The following LRFN5 variants were observed in gnomAD, a reference collection of about 807,000 sequenced individuals.
The protein encoded by LRFN5 is leucine-rich repeat and fibronectin type-III domain-containing protein 5.
In LRFN5, 24 loss-of-function variants were observed where a neutral mutation model predicts 45.6. That is an observed-to-expected ratio of 0.53 (90% confidence interval 0.38 to 0.74). LRFN5 has a LOEUF of 0.74. Ranked by LOEUF, LRFN5 falls within the 30% of genes least tolerant of loss-of-function variation. The pLI, the probability that LRFN5 is intolerant of heterozygous loss-of-function variation, is 0.00. For synonymous variants in LRFN5, 340 were observed against 313.8 expected (o/e 1.08, Z -0.88); for missense variants, 776 against 861.5 (o/e 0.90, Z 1.24).
intron 1 of LRFN5, among the ~76,000 whole-genome samples, chr14:41,674,464 G>A (rs1399550132): frequency 1.5e-5 from 2 of 136,258 alleles, no homozygotes; most frequent in Non-Finnish European, 3.2e-5. Context: ...GGGCAGAGGC[G>A]CCCCTCACCT....
chr14:41,819,067 G>T (rs1333364792), intron 2 of LRFN5, among the ~76,000 whole-genome samples: 1 of 152,068 alleles, frequency 6.6e-6, no homozygotes, highest in African/African-American at 2.4e-5. Context: ...AAAAGGCAAG[G>T]TTTTATTCTT....
chr14:41,741,591 A>T (rs969283684), intron 1 of LRFN5, among the ~76,000 whole-genome samples: 39 of 151,726 alleles, frequency 2.6e-4, no homozygotes, highest in African/African-American at 8.2e-4. Context: ...CAATAAATCT[A>T]CTAGAAGAAA....
In LRFN5 at chr14:41,754,346, C is replaced by T. The variant is rs550748302; in HGVS notation, c.-196-12508C>T. On this transcript the variant is annotated intron_variant, in intron 1 of 5. Coordinates refer to ENST00000298119, the MANE Select transcript of LRFN5 (RefSeq NM_152447.5). ...ATAGTTTTAGAAGGAATGGTACCAG[C>T]TCCTCCTTGTACCTCTGGTAGAATT... is the stretch of plus-strand genomic sequence containing the variant. Among the ~76,000 whole-genome samples the T allele has an allele frequency of 4.6e-5, 7 of 152,228 alleles. No individual in the cohort carries two copies. The East Asian group carries it at 7.7e-4, about 17-fold the overall frequency.
At chr14:41,793,723 A>G (rs994755675) in intron 2 of LRFN5, among the ~76,000 whole-genome samples, 1 of 151,998 alleles carries the variant, frequency 6.6e-6, no homozygotes, top group Non-Finnish European at 1.5e-5. Context: ...AGAACTAAAT[A>G]GTCACACTGC....
At chr14:41,734,376 A>T (rs1884333542) in intron 1 of LRFN5, among the ~76,000 whole-genome samples, 1 of 107,066 alleles carries the variant, frequency 9.3e-6, no homozygotes, top group African/African-American at 3.2e-5. Flanking sequence ...TGATGAATTG[A>T]CCTTTTATTG....
Position 41,904,396 on chromosome 14 carries a change from C to A in LRFN5, c.*221C>A, listed in dbSNP as rs544393856. Reference sequence around the variant, plus strand: ...AAACCAAATTTTTTTTTCTTCTGGCCTACAAGTATTTTTTTTTTAAAAAAG... The same window carrying A: ...AAACCAAATTTTTTTTTCTTCTGGCATACAAGTATTTTTTTTTTAAAAAAG... On this transcript the variant is annotated 3_prime_UTR_variant, in exon 6 of 6. Coordinates refer to ENST00000298119, the MANE Select transcript of LRFN5 (RefSeq NM_152447.5). 7.3e-5 allele frequency: 34 copies of A among 464,488 alleles called. No homozygotes were observed. In the South Asian group the frequency reaches 7.7e-4, roughly 10 times the overall value. The allele number at this position is 464,488 out of a possible 1,614,324, so 28.8% of individuals were successfully genotyped here.
chr14:41,819,869 A>C (rs574338982), intron 2 of LRFN5, among the ~76,000 whole-genome samples: 1 of 152,082 alleles, frequency 6.6e-6, no homozygotes, highest in Non-Finnish European at 1.5e-5. Flanking sequence ...TATCTGAAAC[A>C]TATCAACTAC....
chr14:41,633,407 G>A (rs1402886764), intron 1 of LRFN5, among the ~76,000 whole-genome samples: 2 of 151,982 alleles, frequency 1.3e-5, no homozygotes, highest in Admixed American at 1.3e-4. Flanking sequence ...TAATTAATAT[G>A]CATTAATTTC....
chr14:41,873,367 G>T (rs971278351), intron 2 of LRFN5, among the ~76,000 whole-genome samples: 1 of 151,436 alleles, frequency 6.6e-6, no homozygotes, highest in Non-Finnish European at 1.5e-5. Flanking sequence ...TTAATGCTCC[G>T]TTTTCCTAAG....
intron 3 of LRFN5, among the ~76,000 whole-genome samples, chr14:41,890,171 G>A (rs1012115121): frequency 6.6e-6 from 1 of 152,052 alleles, no homozygotes; most frequent in African/African-American, 2.4e-5. Context: ...AAGTATCACT[G>A]GAATTAGGTG....
intron 1 of LRFN5, among the ~76,000 whole-genome samples, chr14:41,697,219 T>C (rs1409171694): frequency 6.6e-6 from 1 of 151,998 alleles, no homozygotes; most frequent in East Asian, 1.9e-4. Flanking sequence ...AGAATTTTAT[T>C]TGTAGGAAGA....
chr14:41,776,583 T>C (rs1336417834), intron 2 of LRFN5, among the ~76,000 whole-genome samples: 4 of 152,158 alleles, frequency 2.6e-5, no homozygotes, highest in African/African-American at 9.6e-5. Flanking sequence ...TTGTCTTTAA[T>C]TTAAAGGGAC....
chr14:41,733,420 A>G (rs1884266825), intron 1 of LRFN5: 1 of 152,156 alleles, frequency 6.6e-6, no homozygotes, highest in African/African-American at 2.4e-5. Context: ...AAAATTAAAA[A>G]AAAAAATATC....
intron 1 of LRFN5, among the ~76,000 whole-genome samples, chr14:41,723,195 G>A (rs1883798206): frequency 6.6e-6 from 1 of 152,174 alleles, no homozygotes; most frequent in African/African-American, 2.4e-5. Flanking sequence ...CTAATGCCTG[G>A]AAATCTGCGT....
chr14:41,880,148 C>G (rs1255997935), intron 2 of LRFN5, among the ~76,000 whole-genome samples: 1 of 151,586 alleles, frequency 6.6e-6, no homozygotes, highest in East Asian at 1.9e-4. Context: ...AGGATGGTCT[C>G]GATCTCCTGA....
intron 2 of LRFN5, among the ~76,000 whole-genome samples, chr14:41,803,865 ATTTG>A (rs1273689940): frequency 6.6e-6 from 1 of 151,560 alleles, no homozygotes; most frequent in Non-Finnish European, 1.5e-5. Flanking sequence ...AGTTTTTTTC[ATTTG>A]TTTGTTTGTT....
At chr14:41,849,089 C>T (rs979521122) in intron 2 of LRFN5, among the ~76,000 whole-genome samples, 3 of 151,952 alleles carry the variant, frequency 2.0e-5, no homozygotes, top group Non-Finnish European at 4.4e-5. Flanking sequence ...ATTTATGCCC[C>T]TAAAGAGTCA....
chr14:41,753,449 T>C (rs1375942542), intron 1 of LRFN5, among the ~76,000 whole-genome samples: 1 of 152,178 alleles, frequency 6.6e-6, no homozygotes. Flanking sequence ...CATTGAGCAG[T>C]GGTTTGTAGT....
intron 2 of LRFN5, among the ~76,000 whole-genome samples, chr14:41,855,141 C>A (rs1422415176): frequency 6.6e-6 from 1 of 152,022 alleles, no homozygotes; most frequent in African/African-American, 2.4e-5. Flanking sequence ...GAAGAGTAAT[C>A]CAGATGGATG....
Sources: allele counts gnomAD v4.1 joint callset (sites outside exome capture counted in the v4.1 genomes callset), GRCh38; gene constraint gnomAD v4.1.1; transcripts MANE v1.5; gene names NCBI Gene and HGNC (gene_info 2026-07-23, HGNC 2026-07-21).